Variants in CPXM2 observed in about 807,000 individuals in gnomAD.
CPXM2 encodes carboxypeptidase X, M14 family member 2.
CPXM2 carries 66 observed loss-of-function variants against 86.1 expected under a neutral mutation model. The observed-to-expected ratio is 0.77, with a 90% confidence interval of 0.63 to 0.94. CPXM2 has a LOEUF of 0.94. Ranked by LOEUF, CPXM2 falls within the 40% of genes least tolerant of loss-of-function variation. CPXM2 has a pLI of 0.00. For missense variants in CPXM2, 948 were observed against 1,026.3 expected, an observed-to-expected ratio of 0.92 and a Z score of 1.04; for synonymous variants, 388 against 400.2, an observed-to-expected ratio of 0.97 and a Z score of 0.36.
chr10:123,884,188 G>T (rs1358884411), intron 1 of CPXM2, among the ~76,000 whole-genome samples: 1 of 152,158 alleles, frequency 6.6e-6, no homozygotes, highest in East Asian at 1.9e-4. Context: ...ACCCAGCCCA[G>T]GGCTCTGAGG....
chr10:123,850,388 A>T (rs1233176478), intron 3 of CPXM2, among the ~76,000 whole-genome samples: 1 of 152,224 alleles, frequency 6.6e-6, no homozygotes, highest in African/African-American at 2.4e-5. Context: ...AGTCAACCAC[A>T]GTCTGAAAAT....
chr10:123,917,875 C>A (rs937704625), intron 2 of CPXM2, among the ~76,000 whole-genome samples: 1 of 152,192 alleles, frequency 6.6e-6, no homozygotes, highest in Non-Finnish European at 1.5e-5. Context: ...CTACTCTGTG[C>A]CAGACATTGT....
At position 123,831,475 on chromosome 10, in the gene CPXM2, C is replaced by T. The variant is rs146614021; in HGVS notation, c.653+10874G>A. 1.2e-3 allele frequency among the ~76,000 whole-genome samples: 181 copies of T among 152,304 alleles called. 2 individuals carry two copies. Among genetic ancestry groups the T allele is most frequent in the African/African-American group, 4.3e-3 (177 of 41,558 alleles). On this transcript the variant is annotated intron_variant, in intron 4 of 13. Coordinates refer to ENST00000241305, the MANE Select transcript of CPXM2 (RefSeq NM_198148.3). The stretch of plus-strand genomic sequence containing the variant: ...TCATTTGAGGACTTTCATGTGCCCT[C>T]GGCACTTTGCCTTTTGTGGGCACCA...
chr10:123,880,145 T>TGGGGGGCCCC, intron 2 of CPXM2, 66 bp downstream of exon 2: 1 of 407,578 alleles, frequency 2.5e-6, no homozygotes, highest in Non-Finnish European at 4.8e-6. Flanking sequence ...CAGGGGCCTG[T>TGGGGGGCCCC]ACCCACCCAC....
chr10:123,929,516 G>A (rs1032100135), intron 2 of CPXM2, among the ~76,000 whole-genome samples: 19 of 152,188 alleles, frequency 1.2e-4, no homozygotes, highest in African/African-American at 4.6e-4. Flanking sequence ...GCTAGGAGGA[G>A]GAAAGCCAGG....
intron 7 of CPXM2, chr10:123,777,229 T>C: frequency 6.6e-6 from 1 of 152,472 alleles, no homozygotes; most frequent in Middle Eastern, 3.4e-3. Context: ...CCTTCCAGCC[T>C]GTGTCTGCCT....
intron 13 of CPXM2, chr10:123,750,843 C>T (rs1381352447): frequency 2.1e-5 from 21 of 985,298 alleles, no homozygotes; most frequent in Admixed American, 6.1e-5. Flanking sequence ...TGGCAGGGCA[C>T]GCTGTCCTCA....
chr10:123,764,512 G>A (rs141430843), intron 10 of CPXM2, among the ~76,000 whole-genome samples: 1 of 151,500 alleles, frequency 6.6e-6, no homozygotes, highest in East Asian at 1.9e-4. Flanking sequence ...TTTGAGACAG[G>A]GTCTCACTCT....
chr10:123,897,865 C>G (rs1233873087), intron 2 of CPXM2, among the ~76,000 whole-genome samples: 2 of 152,278 alleles, frequency 1.3e-5, no homozygotes, highest in African/African-American at 2.4e-5. Context: ...CTGCCATGCT[C>G]TGGCCCAGAA....
rs141967047 is a variant in CPXM2, at chr10:123,861,919, G to A, written c.513+695C>T. 8.3e-3 allele frequency among the ~76,000 whole-genome samples: 1,268 copies of A among 152,342 alleles called. 16 individuals are homozygous for A. Among genetic ancestry groups the A allele is most frequent in the African/African-American group, 0.029 (1,208 of 41,574 alleles). ...ATGGGATTCATGTGAGTGGAGCATG[G>A]TTGGGCAGTAGAAGTTTCAGGCAGG... On this transcript the variant is annotated intron_variant, in intron 3 of 13. Coordinates refer to ENST00000241305, the MANE Select transcript of CPXM2 (RefSeq NM_198148.3).
At chr10:123,747,132 T>C (rs1329315005) in intron 13 of CPXM2, 115 bp from the exon 14 acceptor site, 1 of 1,282,278 alleles carries the variant, frequency 7.8e-7, no homozygotes, top group East Asian at 2.3e-5. Flanking sequence ...GCTGGCAACG[T>C]GGAATCCGAG....
At position 123,918,324 on chromosome 10, in the gene CPXM2, C is replaced by T. The variant is rs377586965; in HGVS notation, n.174+21153G>A. Among the ~76,000 whole-genome samples, 27 of 152,218 alleles carry T rather than the reference C, an allele frequency of 1.8e-4. No homozygotes were observed. In the South Asian group the frequency reaches 1.9e-3, roughly 11 times the overall value. On this transcript the variant is annotated intron_variant and non_coding_transcript_variant, in intron 2 of 19. Coordinates refer to the CPXM2 transcript ENST00000368854. ...CCATGAAAAATAACTTGGCAGGTTT[C>T]GATTCTGGCTAGGAGGTATACCTTA... is the stretch of plus-strand genomic sequence containing the variant.
intron 2 of CPXM2, among the ~76,000 whole-genome samples, chr10:123,871,528 G>A (rs1944896230): frequency 6.6e-6 from 1 of 152,116 alleles, no homozygotes; most frequent in Non-Finnish European, 1.5e-5. Context: ...CCACATCTAT[G>A]TACCACCTGC....
chr10:123,770,785 C>T (rs549487634), intron 8 of CPXM2, 131 bp downstream of exon 8: 56 of 939,294 alleles, frequency 6.0e-5, no homozygotes, highest in African/African-American at 4.4e-4. Flanking sequence ...AATCTGTCTA[C>T]GTGAGACAGC....
At chr10:123,904,875 TCCCA>T (rs1945419311) in intron 2 of CPXM2, among the ~76,000 whole-genome samples, 2 of 25,366 alleles carry the variant, frequency 7.9e-5, no homozygotes, top group African/African-American at 2.2e-4. Context: ...GACCTCCCCA[TCCCA>T]CCCACCCACC....
intron 4 of CPXM2, among the ~76,000 whole-genome samples, chr10:123,802,365 G>A (rs112267033): frequency 0.01 from 1,557 of 152,236 alleles, 21 homozygotes; most frequent in African/African-American, 0.035. Flanking sequence ...AACCACTGCC[G>A]AAATAAGCGT....
intron 3 of CPXM2, among the ~76,000 whole-genome samples, chr10:123,856,873 T>A (rs912867319): frequency 2.6e-5 from 4 of 152,240 alleles, no homozygotes; most frequent in Non-Finnish European, 5.9e-5. Context: ...GTTACAGGCA[T>A]GAGCCACCGC....
At chr10:123,771,434 T>C (rs534872454) in intron 7 of CPXM2, among the ~76,000 whole-genome samples, 2 of 152,208 alleles carry the variant, frequency 1.3e-5, no homozygotes, top group Non-Finnish European at 2.9e-5. Flanking sequence ...AGGTGATTAG[T>C]GTCCTTACGA....
intron 4 of CPXM2, among the ~76,000 whole-genome samples, chr10:123,823,880 G>T (rs958768430): frequency 6.6e-6 from 1 of 152,154 alleles, no homozygotes; most frequent in Non-Finnish European, 1.5e-5. Flanking sequence ...TGGGAGACCA[G>T]AATTGAAACT....
Sources: gnomAD v4.1 joint callset for allele counts (sites outside exome capture counted in the v4.1 genomes callset) on GRCh38, gnomAD v4.1.1 for gene constraint, MANE v1.5 for transcripts, NCBI Gene and HGNC (gene_info 2026-07-23, HGNC 2026-07-21) for gene names.